The following ESRRG variants were observed in gnomAD, a reference collection of about 807,000 sequenced individuals.
ESRRG encodes the protein estrogen-related receptor gamma.
A neutral mutation model predicts 44.0 loss-of-function variants in ESRRG; 13 were observed. That is an observed-to-expected ratio of 0.30 (90% CI 0.19 to 0.47). The LOEUF (loss-of-function observed/expected upper bound fraction) is 0.47, where lower values mean the gene tolerates loss of function less well. ESRRG is among the 20% of genes least tolerant of loss of function. The pLI, the probability that ESRRG is intolerant of heterozygous loss-of-function variation, is 1.00. For synonymous variants in ESRRG, 215 were observed against 214.6 expected (o/e 1.00, Z -0.02); for missense variants, 395 against 580.6 (o/e 0.68, Z 3.29).
chr1:216,527,059 G>A (rs1486962465), intron 5 of ESRRG, among the ~76,000 whole-genome samples: 1 of 152,144 alleles, frequency 6.6e-6, no homozygotes, highest in East Asian at 1.9e-4. Context: ...AGTACCATTG[G>A]AATATGCAAA....
At chr1:216,762,306 A>G (rs1344555385) in intron 2 of ESRRG, among the ~76,000 whole-genome samples, 1 of 152,072 alleles carries the variant, frequency 6.6e-6, no homozygotes, top group African/African-American at 2.4e-5. Context: ...GAACCAACCC[A>G]AATGTCCAAC....
chr1:216,629,579 A>G (rs1348790061), intron 3 of ESRRG, among the ~76,000 whole-genome samples: 1 of 152,212 alleles, frequency 6.6e-6, no homozygotes, highest in Non-Finnish European at 1.5e-5. Flanking sequence ...TCACCAGAGC[A>G]GACTCTAATC....
chr1:217,049,156 C>T (rs1218735446), intron 1 of ESRRG, among the ~76,000 whole-genome samples: 1 of 152,166 alleles, frequency 6.6e-6, no homozygotes, highest in Non-Finnish European at 1.5e-5. Flanking sequence ...TTCTATTCAT[C>T]ATTCAGGTTG....
intron 2 of ESRRG, among the ~76,000 whole-genome samples, chr1:216,781,011 T>C (rs1457687281): frequency 6.6e-6 from 1 of 152,042 alleles, no homozygotes; most frequent in Non-Finnish European, 1.5e-5. Flanking sequence ...AATAATTTTG[T>C]GGTATCATTT....
intron 1 of ESRRG, among the ~76,000 whole-genome samples, chr1:216,988,377 C>A (rs1579114660): frequency 6.6e-6 from 1 of 152,144 alleles, no homozygotes; most frequent in Non-Finnish European, 1.5e-5. Flanking sequence ...TTTTGATCTC[C>A]CATACTTATC....
At chr1:216,548,942 G>T (rs2055400607) in intron 5 of ESRRG, among the ~76,000 whole-genome samples, 1 of 152,060 alleles carries the variant, frequency 6.6e-6, no homozygotes, top group Non-Finnish European at 1.5e-5. Flanking sequence ...AGATTCCAAA[G>T]AATTTGCTTT....
chr1:216,789,189 C>T (rs1208250856), intron 2 of ESRRG, among the ~76,000 whole-genome samples: 1 of 152,094 alleles, frequency 6.6e-6, no homozygotes, highest in East Asian at 1.9e-4. Context: ...AGAAGCATTG[C>T]ATGCAACAGA....
chr1:216,631,943 C>G (rs2150712775), intron 3 of ESRRG, among the ~76,000 whole-genome samples: 1 of 152,188 alleles, frequency 6.6e-6, no homozygotes, highest in African/African-American at 2.4e-5. Flanking sequence ...AACTGTCACT[C>G]TCTCCCTCCT....
At chr1:216,559,644 A>T (rs1392023952) in intron 5 of ESRRG, among the ~76,000 whole-genome samples, 1 of 152,214 alleles carries the variant, frequency 6.6e-6, no homozygotes, top group Non-Finnish European at 1.5e-5. Context: ...ACATAACATT[A>T]AATTATTTTT....
At chr1:217,039,141 A>C (rs2083407086) in intron 1 of ESRRG, among the ~76,000 whole-genome samples, 1 of 152,206 alleles carries the variant, frequency 6.6e-6, no homozygotes, top group Admixed American at 6.5e-5. Flanking sequence ...TATCACCATC[A>C]GCATTTTTGT....
chr1:216,625,235 C>T (rs1422678815), intron 3 of ESRRG, among the ~76,000 whole-genome samples: 1 of 151,984 alleles, frequency 6.6e-6, no homozygotes, highest in East Asian at 1.9e-4. Flanking sequence ...GTTCCTTTCT[C>T]AGAAACACGT....
rs202135667 is a variant in ESRRG at position 216,813,692 on chromosome 1, A to C, written c.-14+125890T>G. Among the ~76,000 whole-genome samples the C allele has an allele frequency of 3.9e-5, 6 of 152,282 alleles. No individual in the cohort carries two copies. In the South Asian group the frequency reaches 6.2e-4, roughly 16 times the overall value. ...AAAACCTGCCTTTTTCAGGGATGTC[A>C]TAGTGAAGCTCAGACAGGTGGATAT... On this transcript the variant is annotated intron_variant, in intron 2 of 7. Transcript: ENST00000359162.
At chr1:216,939,364 A>AAC (rs1553720878) in intron 2 of ESRRG, among the ~76,000 whole-genome samples, 15,930 of 133,784 alleles carry the variant, frequency 0.12, 1,664 homozygotes, top group Admixed American at 0.18. Context: ...AAAAAAAAAA[A>AAC]AAAAAACACT....
rs116284092 is a variant in ESRRG at position 216,670,640 on chromosome 1, G to A, written c.472+6436C>T. On this transcript the variant is annotated intron_variant, in intron 2 of 6. Transcript: ENST00000408911. ...CATGGAAGTGCCAGGGCCTGAGCGG[G>A]ACTCTCTCTTGGGTCTGTTCTCTGG... Among the ~76,000 whole-genome samples, 1,277 of 152,292 alleles carry A rather than the reference G, an allele frequency of 8.4e-3. 19 individuals carry two copies. Among genetic ancestry groups the A allele is most frequent in the African/African-American group, 0.029 (1,207 of 41,558 alleles).
intron 1 of ESRRG, among the ~76,000 whole-genome samples, chr1:217,003,581 G>C (rs200246784): frequency 9.2e-6 from 1 of 108,172 alleles, no homozygotes; most frequent in Admixed American, 8.6e-5. Flanking sequence ...TAATTAATAA[G>C]TATTAATATT....
At chr1:216,742,575 T>A (rs1296291078) in intron 2 of ESRRG, among the ~76,000 whole-genome samples, 3 of 151,892 alleles carry the variant, frequency 2.0e-5, no homozygotes. Context: ...CCTAACTCCA[T>A]CCGACCCTTT....
At chr1:216,892,226 A>C (rs974470758) in intron 2 of ESRRG, among the ~76,000 whole-genome samples, 3 of 152,176 alleles carry the variant, frequency 2.0e-5, no homozygotes, top group African/African-American at 4.8e-5. Flanking sequence ...GCATTCAGAT[A>C]ATTAGAACAT....
At chr1:216,541,035 T>C (rs74705665) in intron 5 of ESRRG, among the ~76,000 whole-genome samples, 45 of 152,110 alleles carry the variant, frequency 3.0e-4, no homozygotes, top group African/African-American at 1.0e-3. Flanking sequence ...AAAGATATGG[T>C]TCAATGTCCT....
At chr1:216,573,957 T>A (rs1171480882) in intron 3 of ESRRG, among the ~76,000 whole-genome samples, 4 of 151,970 alleles carry the variant, frequency 2.6e-5, no homozygotes, top group Non-Finnish European at 5.9e-5. Context: ...AACAACATAA[T>A]CCAAATATTT....
Sources: gnomAD v4.1 joint callset for allele counts (sites outside exome capture counted in the v4.1 genomes callset) on GRCh38, gnomAD v4.1.1 for gene constraint, MANE v1.5 for transcripts, NCBI Gene and HGNC (gene_info 2026-07-23, HGNC 2026-07-21) for gene names.